Variants in ERICH6B observed in about 807,000 individuals in gnomAD.
ERICH6B encodes the protein glutamate rich 6B, also known as glutamate-rich protein 6B.
Under a neutral mutation model 80.0 loss-of-function variants are expected in ERICH6B, and 69 were observed. The ratio of observed to expected loss-of-function variants is 0.86; its 90% CI spans 0.71 to 1.05. The LOEUF (loss-of-function observed/expected upper bound fraction) is 1.05. Ranked by LOEUF, ERICH6B falls within the 50% of genes least tolerant of loss-of-function variation. The pLI, the probability that ERICH6B is intolerant of heterozygous loss-of-function variation, is 0.00. For synonymous variants in ERICH6B, 283 were observed against 291.9 expected (o/e 0.97, Z 0.31); for missense variants, 754 against 796.1 (o/e 0.95, Z 0.64).
At chr13:45,547,210 A>G (rs1874028083) in intron 13 of ERICH6B, among the ~76,000 whole-genome samples, 1 of 152,252 alleles carries the variant, frequency 6.6e-6, no homozygotes, top group African/African-American at 2.4e-5. Flanking sequence ...TATACACAGC[A>G]ATAACTGAGA....
At chr13:45,554,515 TTCTTGAGA>T (rs1368315826) in intron 11 of ERICH6B, among the ~76,000 whole-genome samples, 1 of 152,194 alleles carries the variant, frequency 6.6e-6, no homozygotes. Context: ...AAGCCAGAAT[TTCTTGAGA>T]TGCTTTCTGT....
chr13:45,581,664 A>G (rs2138002903), intron 5 of ERICH6B, among the ~76,000 whole-genome samples: 1 of 152,338 alleles, frequency 6.6e-6, no homozygotes, highest in Non-Finnish European at 1.5e-5. Context: ...GGCATGAGCC[A>G]CTGCGCCTGG....
At chr13:45,549,859 G>T (rs1462401279) in intron 13 of ERICH6B, 34 bp downstream of exon 13, 10 of 1,539,326 alleles carry the variant, frequency 6.5e-6, no homozygotes, top group Non-Finnish European at 8.8e-6. Context: ...TTCTCCATGG[G>T]CAGGAGTGTT....
chr13:45,590,720 A>G (rs1034588579), intron 3 of ERICH6B, 23 bp from the exon 4 acceptor site: 13 of 1,547,454 alleles, frequency 8.4e-6, no homozygotes, highest in Non-Finnish European at 1.1e-5. Flanking sequence ...AGAATAAAAA[A>G]GCAATATTGG....
chr13:45,548,925 C>A (rs947623959), intron 13 of ERICH6B, among the ~76,000 whole-genome samples: 1 of 152,168 alleles, frequency 6.6e-6, no homozygotes, highest in African/African-American at 2.4e-5. Context: ...GAATGAAAAT[C>A]CTTTTTTGGA....
At chr13:45,601,641 C>T (rs770338766) in intron 2 of ERICH6B, among the ~76,000 whole-genome samples, 6 of 152,152 alleles carry the variant, frequency 3.9e-5, no homozygotes, top group South Asian at 2.1e-4. Context: ...TTCCGGGTGA[C>T]GGGTCTTTTC....
chr13:45,571,869 T>C (rs752464), intron 8 of ERICH6B, among the ~76,000 whole-genome samples: 13,426 of 152,118 alleles, frequency 0.088, 981 homozygotes, highest in African/African-American at 0.2. Context: ...CTGCAAGTCA[T>C]GGAGAGATAC....
chr13:45,554,134 G>T (rs1006854435), intron 11 of ERICH6B, among the ~76,000 whole-genome samples: 1 of 151,964 alleles, frequency 6.6e-6, no homozygotes, highest in Non-Finnish European at 1.5e-5. Context: ...ACACCTCCCC[G>T]TTTCCCTACT....
At chr13:45,582,686 A>G (rs1177318451) in intron 5 of ERICH6B, among the ~76,000 whole-genome samples, 2 of 152,192 alleles carry the variant, frequency 1.3e-5, no homozygotes, top group African/African-American at 4.8e-5. Flanking sequence ...CTGATCTATG[A>G]AACAGCATCT....
At position 45,541,660 on chromosome 13, in the gene ERICH6B, C is replaced by A; in HGVS notation, c.1893G>T (p.Leu631=). The A allele has an allele frequency of 6.4e-7, 1 of 1,550,538 alleles. No individual in the cohort carries two copies. The highest frequency in any genetic ancestry group is 8.7e-7 in the Non-Finnish European group (1 of 1,146,998). Residue 631 remains leucine, a synonymous_variant, in exon 15 of 15, where the codon CTG becomes CTT. Transcript: ENST00000298738. ...GGATGGTTTTCTTCTTCATTTCGCT[C>A]AGCACCTCTGGGATCACAAACTGTG... ...TRYKFVIPEV[L]SEMKKKTILE...
chr13:45,568,343 T>C lies in ERICH6B; in HGVS notation c.1159A>G (p.Ser387Gly). ...FDIPLTKLLE[S>G]ENRWKLVIML... ...ATTACCAGTTTCCATCTGTTTTCAC[T>C]TTCCAGTAGCTTAGTTAGGGGAATG... The change falls in exon 9 of 15, where the codon AGT (serine) becomes GGT (glycine). Residue 387 changes from serine to glycine, a missense_variant. Coordinates refer to ENST00000298738, the MANE Select transcript of ERICH6B (RefSeq NM_182542.3). 6.5e-7 allele frequency: 1 copy of C among 1,546,952 alleles called. No individual in the cohort carries two copies. The highest frequency in any genetic ancestry group is 8.7e-7 in the Non-Finnish European group (1 of 1,145,612).
chr13:45,582,968 CT>C (rs1201439941), intron 5 of ERICH6B, among the ~76,000 whole-genome samples: 1 of 152,198 alleles, frequency 6.6e-6, no homozygotes, highest in African/African-American at 2.4e-5. Flanking sequence ...TGGTCACAGA[CT>C]CATTTCACCA....
intron 5 of ERICH6B, among the ~76,000 whole-genome samples, chr13:45,581,608 C>T (rs1336677715): frequency 1.3e-5 from 2 of 152,192 alleles, no homozygotes; most frequent in African/African-American, 2.4e-5. Context: ...AACTCCTGAC[C>T]TCAGGTGATC....
intron 10 of ERICH6B, among the ~76,000 whole-genome samples, chr13:45,563,117 T>C (rs1227380722): frequency 6.6e-6 from 1 of 152,202 alleles, no homozygotes; most frequent in African/African-American, 2.4e-5. Context: ...CTTCCATGAT[T>C]TGCAAATCTT....
At chr13:45,593,047 T>C (rs1381447500) in intron 3 of ERICH6B, among the ~76,000 whole-genome samples, 3 of 152,218 alleles carry the variant, frequency 2.0e-5, no homozygotes, top group Admixed American at 2.0e-4. Flanking sequence ...ATCCAAAATC[T>C]GAACTCCCCC....
intron 13 of ERICH6B, among the ~76,000 whole-genome samples, chr13:45,548,936 A>G (rs1294480240): frequency 2.0e-5 from 3 of 152,238 alleles, no homozygotes; most frequent in South Asian, 2.1e-4. Context: ...CTTTTTTGGA[A>G]CTATGTTTGG....
At chr13:45,574,063 T>G (rs1593788361) in intron 8 of ERICH6B, among the ~76,000 whole-genome samples, 1 of 152,204 alleles carries the variant, frequency 6.6e-6, no homozygotes, top group Non-Finnish European at 1.5e-5. Context: ...TTAAAAACAT[T>G]TACAAAATGA....
chr13:45,568,054 G>T (rs543444268), intron 9 of ERICH6B, among the ~76,000 whole-genome samples: 1 of 152,284 alleles, frequency 6.6e-6, no homozygotes, highest in Non-Finnish European at 1.5e-5. Context: ...CATCTGCCTT[G>T]ATCTTATCCT....
chr13:45,555,509 A>G (rs1457286628), intron 11 of ERICH6B: 1 of 152,142 alleles, frequency 6.6e-6, no homozygotes, highest in African/African-American at 2.4e-5. Context: ...AAGCTGTCCT[A>G]TTGCTTTTCC....
Sources: allele counts gnomAD v4.1 joint callset (sites outside exome capture counted in the v4.1 genomes callset), GRCh38; gene constraint gnomAD v4.1.1; transcripts MANE v1.5; gene names NCBI Gene and HGNC (gene_info 2026-07-23, HGNC 2026-07-21).